PIK3R1: variants seen among roughly 807,000 people sequenced by gnomAD.
PIK3R1 encodes phosphoinositide-3-kinase regulatory subunit 1.
In PIK3R1, 29 loss-of-function variants were observed where a neutral mutation model predicts 98.0. The ratio of observed to expected loss-of-function variants is 0.30; its 90% CI spans 0.22 to 0.40. PIK3R1 has a LOEUF of 0.40. PIK3R1 is among the 10% of genes least tolerant of loss of function. PIK3R1 has a pLI of 1.00. For synonymous variants in PIK3R1, 282 were observed against 311.8 expected, an observed-to-expected ratio of 0.90 and a Z score of 1.01; for missense variants, 596 against 872.7, an observed-to-expected ratio of 0.68 and a Z score of 3.99.
At chr5:68,247,704 G>A (rs1010818790) in intron 2 of PIK3R1, among the ~76,000 whole-genome samples, 3 of 151,920 alleles carry the variant, frequency 2.0e-5, no homozygotes, top group African/African-American at 7.3e-5. Flanking sequence ...TCAGCCTCTG[G>A]TGTAGCTGGG....
intron 2 of PIK3R1, among the ~76,000 whole-genome samples, chr5:68,236,740 T>G (rs1315010123): frequency 1.3e-5 from 2 of 152,214 alleles, no homozygotes; most frequent in Non-Finnish European, 2.9e-5. Context: ...ATTTTGCTTT[T>G]TGGGTGGTCT....
At chr5:68,277,477 T>C (rs1456840685) in intron 4 of PIK3R1, among the ~76,000 whole-genome samples, 1 of 152,220 alleles carries the variant, frequency 6.6e-6, no homozygotes, top group Non-Finnish European at 1.5e-5. Flanking sequence ...GACCTATCCA[T>C]ATCCTATTCC....
At chr5:68,244,523 G>GCCCCCCC (rs1190697417) in intron 2 of PIK3R1, among the ~76,000 whole-genome samples, 4 of 7,998 alleles carry the variant, frequency 5.0e-4, no homozygotes, top group Non-Finnish European at 5.9e-4. Flanking sequence ...CCGCCCCCCC[G>GCCCCCCC]CCCCCCGCCG....
chr5:68,296,285 T>A lies in PIK3R1; in HGVS notation c.1929T>A (p.Asp643Glu), dbSNP rs997533164. ...KAENLLRGKR[D>E]GTFLVRESSK... ...AAAACCTGTTGCGAGGGAAGCGAGA[T>A]GGCACTTTTCTTGTCCGGGAGAGCA... Residue 643 changes from aspartate (D) to glutamate (E), a missense_variant, in exon 15 of 16, where the codon GAT (aspartate) becomes GAA (glutamate). By Grantham distance (45) the Asp-to-Glu change is conservative (BLOSUM62 2). This residue lies in a region of PIK3R1 where 207 missense variants were observed against 361.4 expected (regional missense o/e 0.57). Transcript: ENST00000521381. 1.2e-6 allele frequency: 2 copies of A among 1,614,212 alleles called. No individual in the cohort carries two copies. The highest frequency in any genetic ancestry group is 3.3e-5 in the Admixed American group (2 of 60,028).
intron 2 of PIK3R1, among the ~76,000 whole-genome samples, chr5:68,270,340 A>T (rs897625052): frequency 3.3e-5 from 5 of 152,186 alleles, no homozygotes; most frequent in Non-Finnish European, 7.4e-5. Flanking sequence ...ATCCTTTTGT[A>T]TGGAGCATTT....
intron 12 of PIK3R1, among the ~76,000 whole-genome samples, 172 bp from the exon 13 acceptor site, chr5:68,294,966 TAAAAAAATAA>T (rs1472175397): frequency 5.2e-5 from 3 of 57,642 alleles, no homozygotes; most frequent in African/African-American, 9.2e-5. Context: ...ATAATAAAAA[TAAAAAAATAA>T]AATAAAATAA....
chr5:68,238,975 C>CAAA (rs10532256), intron 2 of PIK3R1, among the ~76,000 whole-genome samples: 1 of 125,038 alleles, frequency 8.0e-6, no homozygotes, highest in Non-Finnish European at 1.8e-5. Context: ...CAATAAATGC[C>CAAA]AAAAAAAAAA....
intron 5 of PIK3R1, among the ~76,000 whole-genome samples, chr5:68,280,032 G>C (rs1280601862): frequency 1.3e-5 from 2 of 152,206 alleles, no homozygotes; most frequent in African/African-American, 4.8e-5. Context: ...ACTAGTGTCA[G>C]ATTCAAGGAA....
chr5:68,254,852 A>G (rs185708384), intron 2 of PIK3R1, among the ~76,000 whole-genome samples: 14 of 148,068 alleles, frequency 9.5e-5, no homozygotes, highest in African/African-American at 3.5e-4. Context: ...TTTTTTTATG[A>G]TGCAAACAAA....
intron 7 of PIK3R1, chr5:68,291,209 A>G (rs1339710571): frequency 6.0e-6 from 1 of 166,234 alleles, no homozygotes; most frequent in African/African-American, 2.4e-5. Context: ...ACAGTGTAGC[A>G]CTTTGCAGTG....
chr5:68,226,657 T>G lies in PIK3R1; in HGVS notation c.-19T>G. Reference sequence around the variant, plus strand: ...TGTACAACCAGGCTCAACTGTTGCATGGTAGCAGATTTGCAAACATGAGTG... The same window carrying G: ...TGTACAACCAGGCTCAACTGTTGCAGGGTAGCAGATTTGCAAACATGAGTG... On this transcript the variant is annotated 5_prime_UTR_variant, in exon 2 of 16. An upstream start codon of the reference 5' UTR is lost. Coordinates refer to ENST00000521381, the MANE Select transcript of PIK3R1 (RefSeq NM_181523.3). 1 of 1,597,722 alleles carries G rather than the reference T, an allele frequency of 6.3e-7. No individual in the cohort carries two copies. Among genetic ancestry groups the G allele is most frequent in the African/African-American group, 1.3e-5 (1 of 74,574 alleles).
chr5:68,279,756 A>G (rs764922602), intron 5 of PIK3R1, 23 bp downstream of exon 5: 4 of 1,610,982 alleles, frequency 2.5e-6, no homozygotes, highest in Non-Finnish European at 3.4e-6. Context: ...TCTTCTGGGA[A>G]CCTCATTGAA....
chr5:68,274,959 A>G (rs1475705669), intron 4 of PIK3R1, among the ~76,000 whole-genome samples: 4 of 152,236 alleles, frequency 2.6e-5, no homozygotes, highest in African/African-American at 4.8e-5. Context: ...CAGAGGTATA[A>G]TTGTACAAAG....
chr5:68,239,775 G>A (rs1270178974), intron 2 of PIK3R1: 1 of 452,282 alleles, frequency 2.2e-6, no homozygotes, highest in East Asian at 4.6e-5. Flanking sequence ...TCCCTGGCTT[G>A]CCAGTGACGT....
chr5:68,278,396 A>G (rs747514374), intron 4 of PIK3R1, among the ~76,000 whole-genome samples: 1 of 152,172 alleles, frequency 6.6e-6, no homozygotes, highest in African/African-American at 2.4e-5. Flanking sequence ...TGTTGAATCC[A>G]TCACTCTGTT....
chr5:68,259,317 T>A (rs543719576), intron 2 of PIK3R1, among the ~76,000 whole-genome samples: 17 of 152,356 alleles, frequency 1.1e-4, no homozygotes, highest in Middle Eastern at 3.4e-3. Flanking sequence ...TACTAGAAAA[T>A]GTAAAATTAC....
intron 2 of PIK3R1, among the ~76,000 whole-genome samples, chr5:68,228,253 A>G (rs1200821992): frequency 6.6e-6 from 1 of 152,232 alleles, no homozygotes; most frequent in Admixed American, 6.5e-5. Flanking sequence ...AGTGAATAAG[A>G]CAATGAGAAC....
At chr5:68,283,462 A>G (rs562563795) in intron 7 of PIK3R1, among the ~76,000 whole-genome samples, 1 of 152,360 alleles carries the variant, frequency 6.6e-6, no homozygotes, top group South Asian at 2.1e-4. Flanking sequence ...AATGGAGTAG[A>G]CAGAAAAGGC....
chr5:68,246,399 G>C (rs1745086359), intron 2 of PIK3R1, among the ~76,000 whole-genome samples: 1 of 149,370 alleles, frequency 6.7e-6, no homozygotes, highest in Non-Finnish European at 1.5e-5. Context: ...TGCAACTTCT[G>C]CCTCCCGGGC....
Sources: gnomAD v4.1 joint callset for allele counts (sites outside exome capture counted in the v4.1 genomes callset) on GRCh38, gnomAD v4.1.1 for gene constraint, gnomAD v4.1.1 regional missense constraint, MANE v1.5 for transcripts, NCBI Gene and HGNC (gene_info 2026-07-23, HGNC 2026-07-21) for gene names.